Variants in PHIP observed in about 807,000 individuals in gnomAD.
PHIP encodes PH-interacting protein.
Under a neutral mutation model 236.8 loss-of-function variants are expected in PHIP, and 54 were observed. The ratio of observed to expected loss-of-function variants is 0.23; its 90% confidence interval spans 0.18 to 0.29. PHIP has a LOEUF of 0.29. Ranked by LOEUF, PHIP falls within the 10% of genes least tolerant of loss-of-function variation. PHIP has a pLI of 1.00. For synonymous variants in PHIP, 756 were observed against 718.9 expected (o/e 1.05, Z -0.83); for missense variants, 1,370 against 2,190.8 (o/e 0.63, Z 7.48).
chr6:79,056,785 T>C (rs1423678753), intron 6 of PHIP, among the ~76,000 whole-genome samples: 1 of 152,150 alleles, frequency 6.6e-6, no homozygotes, highest in East Asian at 1.9e-4. Flanking sequence ...GGGGCTCAAG[T>C]AGCAATTAAG....
intron 24 of PHIP, among the ~76,000 whole-genome samples, chr6:78,972,463 C>G (rs1241499694): frequency 6.6e-6 from 1 of 152,162 alleles, no homozygotes; most frequent in East Asian, 1.9e-4. Flanking sequence ...CTCTAAAAAT[C>G]AGAGCACCTC....
At chr6:79,007,125 T>C (rs1332457573) in intron 15 of PHIP, among the ~76,000 whole-genome samples, 1 of 152,078 alleles carries the variant, frequency 6.6e-6, no homozygotes, top group East Asian at 1.9e-4. Context: ...TAGAGATTTA[T>C]ACTAAACTTT....
chr6:78,985,434 A>G lies in PHIP; in HGVS notation c.2461-6T>C. ...ACAGCAACTACTTCGCCTTCCTAAGATATGTTGAATACATGTCTTATTGCA... is the reference window on the plus strand; with the variant it reads ...ACAGCAACTACTTCGCCTTCCTAAGGTATGTTGAATACATGTCTTATTGCA... On this transcript the variant is annotated splice_polypyrimidine_tract_variant and splice_region_variant and intron_variant, in intron 21 of 39. Coordinates refer to ENST00000275034, the MANE Select transcript of PHIP (RefSeq NM_017934.7). 2.1e-6 allele frequency: 3 copies of G among 1,433,306 alleles called. No homozygotes were observed. Among genetic ancestry groups the G allele is most frequent in the South Asian group, 2.3e-5 (2 of 87,228 alleles). 88.8% of individuals were successfully genotyped at this position (1,433,306 alleles called of 1,614,324 possible).
At chr6:79,022,458 T>C (rs1336857167) in intron 9 of PHIP, among the ~76,000 whole-genome samples, 1 of 152,166 alleles carries the variant, frequency 6.6e-6, no homozygotes, top group Non-Finnish European at 1.5e-5. Flanking sequence ...CAGTACCACC[T>C]GCTAACAATG....
At chr6:79,070,129 A>C (rs1773810869) in intron 4 of PHIP, among the ~76,000 whole-genome samples, 1 of 152,216 alleles carries the variant, frequency 6.6e-6, no homozygotes, top group Admixed American at 6.5e-5. Flanking sequence ...ATAATTTAAA[A>C]TACAACAAAA....
At chr6:78,950,124 G>A (rs1320920438) in intron 35 of PHIP, among the ~76,000 whole-genome samples, 1 of 151,990 alleles carries the variant, frequency 6.6e-6, no homozygotes, top group African/African-American at 2.4e-5. Flanking sequence ...TGTTCTTTCT[G>A]GATTACTTGA....
intron 26 of PHIP, 47 bp downstream of exon 26, chr6:78,970,002 C>T (rs1329601216): frequency 1.2e-6 from 2 of 1,601,798 alleles, no homozygotes; most frequent in African/African-American, 2.7e-5. Flanking sequence ...TCTTGAAAAA[C>T]AATCTACAAT....
Position 78,972,903 on chromosome 6 carries a change from T to C in PHIP, c.2890-2015A>G, listed in dbSNP as rs554107543. Reference sequence around the variant, plus strand: ...GTGAAAAGACCAAATCTACGTCTGATTGGTGTACCTGAAAGTGATGGGGAG... The same window carrying C: ...GTGAAAAGACCAAATCTACGTCTGACTGGTGTACCTGAAAGTGATGGGGAG... On this transcript the variant is annotated intron_variant, in intron 24 of 39. Transcript: ENST00000275034. Among the ~76,000 whole-genome samples, 110 of 152,288 alleles carry C rather than the reference T, an allele frequency of 7.2e-4. 1 individual carries two copies. The South Asian group carries it at 7.9e-3, about 11-fold the overall frequency.
Position 78,940,100 on chromosome 6 carries a change from A to G in PHIP, c.*593T>C. The G allele has an allele frequency of 6.6e-6, 1 of 152,560 alleles. No individual in the cohort carries two copies. Among genetic ancestry groups the G allele is most frequent in the South Asian group, 2.1e-4 (1 of 4,830 alleles). The allele number at this position is 152,560 out of a possible 1,614,324, so 9.5% of individuals were successfully genotyped here. On this transcript the variant is annotated 3_prime_UTR_variant, in exon 40 of 40. Transcript: ENST00000275034. ...TTGTTTGGCAGAAATGGAATAAAGC[A>G]AAAGCCTCCTCTAGATACTTTGTAG... is the stretch of plus-strand genomic sequence containing the variant.
chr6:78,992,031 G>A (rs541194727), intron 19 of PHIP, among the ~76,000 whole-genome samples: 18 of 147,942 alleles, frequency 1.2e-4, no homozygotes, highest in Admixed American at 2.7e-4. Context: ...GCATGATCTC[G>A]GCTCACTGCA....
At position 78,936,180 on chromosome 6, in the gene PHIP, T is replaced by C. The variant is rs1773266479; in HGVS notation, c.*4513A>G. On this transcript the variant is annotated 3_prime_UTR_variant, in exon 40 of 40. Coordinates refer to ENST00000275034, the MANE Select transcript of PHIP (RefSeq NM_017934.7). ...TTAAAACTCTGTGTTACTTATTACA[T>C]ACAACAGATCTGCTTGTGTTTAAAC... is the stretch of plus-strand genomic sequence containing the variant. 1 of 151,938 alleles carries C rather than the reference T, an allele frequency of 6.6e-6. No individual in the cohort carries two copies. The highest frequency in any genetic ancestry group is 2.1e-4 in the South Asian group (1 of 4,826). The allele number at this position is 151,938 out of a possible 1,614,324, so 9.4% of individuals were successfully genotyped here.
In PHIP at chr6:78,938,722, A is replaced by C. The variant is rs1467077818; in HGVS notation, c.*1971T>G. On this transcript the variant is annotated 3_prime_UTR_variant, in exon 40 of 40. Transcript: ENST00000275034. ...AAAAATAAATATACAAAAAACCTGA[A>C]AAATTTGAAATTATTTTTCAACTGC... 6.6e-6 allele frequency: 1 copy of C among 151,682 alleles called. No homozygotes were observed. Among genetic ancestry groups the C allele is most frequent in the Non-Finnish European group, 1.5e-5 (1 of 67,642 alleles). 9.4% of individuals were successfully genotyped at this position (151,682 alleles called of 1,614,324 possible).
intron 17 of PHIP, among the ~76,000 whole-genome samples, chr6:79,000,442 T>A (rs1448507927): frequency 6.6e-6 from 1 of 152,078 alleles, no homozygotes; most frequent in Non-Finnish European, 1.5e-5. Context: ...TCTCTCAACC[T>A]GCAGGACTGG....
At chr6:78,960,066 C>T (rs1354688113) in intron 31 of PHIP, among the ~76,000 whole-genome samples, 3 of 152,016 alleles carry the variant, frequency 2.0e-5, no homozygotes, top group Admixed American at 2.0e-4. Context: ...TCACTGACAT[C>T]GCTCAGCATC....
chr6:79,013,455 ATCC>A lies in PHIP; in HGVS notation c.1524+1624_1524+1626del, dbSNP rs576429232. Among the ~76,000 whole-genome samples, 480 of 151,868 alleles carry A rather than the reference ATCC, an allele frequency of 3.2e-3. 2 individuals carry two copies. The highest frequency in any genetic ancestry group is 0.011 in the African/African-American group (449 of 41,526). On this transcript the variant is annotated intron_variant, in intron 15 of 39. Transcript: ENST00000275034. ...TATCCATAAAAAGAACCAGAAAAAT[ATCC>A]TCATCTAACACTCTTATTTAACAAT...
At chr6:79,075,756 G>A (rs925828193) in intron 4 of PHIP, among the ~76,000 whole-genome samples, 1 of 151,998 alleles carries the variant, frequency 6.6e-6, no homozygotes, top group Non-Finnish European at 1.5e-5. Flanking sequence ...TTAAGAAAAT[G>A]CAGCATTCCT....
At chr6:79,033,188 AG>A (rs1389543047) in intron 7 of PHIP, among the ~76,000 whole-genome samples, 1 of 152,188 alleles carries the variant, frequency 6.6e-6, no homozygotes, top group Non-Finnish European at 1.5e-5. Context: ...AAAGTAGTTT[AG>A]CATAATTCTT....
chr6:78,945,049 A>T (rs187916911), intron 39 of PHIP, among the ~76,000 whole-genome samples: 27 of 151,426 alleles, frequency 1.8e-4, no homozygotes, highest in Non-Finnish European at 3.7e-4. Flanking sequence ...GGTTAACTAT[A>T]CCCTATTTAA....
At chr6:78,994,961 C>T (rs556389977) in intron 19 of PHIP, among the ~76,000 whole-genome samples, 8 of 152,312 alleles carry the variant, frequency 5.3e-5, no homozygotes, top group African/African-American at 1.2e-4. Flanking sequence ...AACTTTTATA[C>T]GCACTTGGAA....
Sources: gnomAD v4.1 joint callset for allele counts (sites outside exome capture counted in the v4.1 genomes callset) on GRCh38, gnomAD v4.1.1 for gene constraint, MANE v1.5 for transcripts, NCBI Gene and HGNC (gene_info 2026-07-23, HGNC 2026-07-21) for gene names.